The following TSPO variants were observed in gnomAD, a reference collection of about 807,000 sequenced individuals.
TSPO encodes the protein translocator protein.
In TSPO, 14 loss-of-function variants were observed where a neutral mutation model predicts 13.9. The observed-to-expected ratio is 1.01, with a 90% CI of 0.67 to 1.58. The LOEUF (loss-of-function observed/expected upper bound fraction) is 1.58, where lower values mean the gene tolerates loss of function less well. Among genes scored for constraint, TSPO ranks in the 40% most tolerant of loss-of-function variants. TSPO has a pLI of 0.00. For synonymous variants in TSPO, 114 were observed against 105.9 expected, an observed-to-expected ratio of 1.08 and a Z score of -0.47; for missense variants, 232 against 229.6, an observed-to-expected ratio of 1.01 and a Z score of -0.07.
chr22:43,156,426 C>T (rs1047268071), intron 1 of TSPO, among the ~76,000 whole-genome samples: 3 of 151,702 alleles, frequency 2.0e-5, no homozygotes, highest in East Asian at 1.9e-4. Flanking sequence ...TAGAACATGG[C>T]GCTCAGTGAA....
At chr22:43,158,992 C>CGAGGTGAGGGTGGGCA (rs1403233926) in intron 1 of TSPO, among the ~76,000 whole-genome samples, 2 of 152,064 alleles carry the variant, frequency 1.3e-5, no homozygotes, top group East Asian at 1.9e-4. Flanking sequence ...GACCCAAGGT[C>CGAGGTGAGGGTGGGCA]GAGGTGAGGG....
Position 43,159,352 on chromosome 22 carries a change from G to A in TSPO, c.114G>A (p.Gln38=), listed in dbSNP as rs1931359372. 1 of 1,547,002 alleles carries A rather than the reference G, an allele frequency of 6.5e-7. No individual in the cohort carries two copies. The change falls in exon 2 of 4, where the codon CAG becomes CAA. Residue 38 remains glutamine, a synonymous_variant. Transcript: ENST00000337554. ...GTCTCCGCTGGTACGCCGGCCTGCAGAAGCCCTCGTGGCACCCGCCCCACT... is the reference window on the plus strand; with the variant it reads ...GTCTCCGCTGGTACGCCGGCCTGCAAAAGCCCTCGTGGCACCCGCCCCACT... ...GEGLRWYAGL[Q]KPSWHPPHWV... is the part of the protein sequence containing the mutation.
intron 1 of TSPO, among the ~76,000 whole-genome samples, chr22:43,154,955 C>A (rs1931203935): frequency 6.6e-6 from 1 of 152,040 alleles, no homozygotes; most frequent in South Asian, 2.1e-4. Context: ...CCTTCTGGCA[C>A]CGTTCAGAGG....
At chr22:43,155,213 G>A (rs1278522790) in intron 1 of TSPO, among the ~76,000 whole-genome samples, 2 of 152,174 alleles carry the variant, frequency 1.3e-5, no homozygotes, top group Admixed American at 6.5e-5. Flanking sequence ...CCAGTCACGA[G>A]TCCACCATGG....
intron 1 of TSPO, among the ~76,000 whole-genome samples, chr22:43,156,996 T>G (rs9623761): frequency 0.097 from 14,824 of 152,218 alleles, 2,410 homozygotes; most frequent in African/African-American, 0.34. Context: ...CACTCAGCTG[T>G]GGACTCACGC....
chr22:43,153,727 AT>A (rs778899433), intron 1 of TSPO, among the ~76,000 whole-genome samples: 62 of 147,704 alleles, frequency 4.2e-4, no homozygotes, highest in African/African-American at 6.9e-4. Flanking sequence ...AGTCTTTTTT[AT>A]TTTTTTTTTT....
rs1569481008 is a variant in TSPO, at chr22:43,162,809, G to A, written c.328G>A (p.Val110Met). 1 of 1,583,232 alleles carries A rather than the reference G, an allele frequency of 6.3e-7. No individual in the cohort carries two copies. Among genetic ancestry groups the A allele is most frequent in the Non-Finnish European group, 8.6e-7 (1 of 1,165,974 alleles). Reference protein sequence around the residue: ...FGARQMGWALVDLLLVSGAAA... With the variant: ...FGARQMGWALMDLLLVSGAAA... Reference sequence around the variant, plus strand: ...CGTCCCCCAATCTCTGCAGGCCTTGGTGGATCTCCTGCTGGTCAGTGGGGC... The same window carrying A: ...CGTCCCCCAATCTCTGCAGGCCTTGATGGATCTCCTGCTGGTCAGTGGGGC... Residue 110 changes from valine (V) to methionine (M), a missense_variant, in exon 4 of 4, where the codon GTG becomes ATG. Physicochemically the swap from Val to Met is conservative, Grantham distance 21. Transcript: ENST00000337554.
At position 43,163,104 on chromosome 22, in the gene TSPO, C is replaced by T; in HGVS notation, c.*113C>T. The T allele has an allele frequency of 6.6e-7, 1 of 1,515,034 alleles. No individual in the cohort carries two copies. The highest frequency in any genetic ancestry group is 8.8e-7 in the Non-Finnish European group (1 of 1,130,662). The allele number at this position is 1,515,034 out of a possible 1,614,324, so 93.8% of individuals were successfully genotyped here. A position where few individuals can be genotyped will look rare whatever the true frequency, so the allele number is the denominator to read the frequency against. ...GCCTGCTAGTCTGTCAGGGCCTTGG[C>T]CCAGGGGTCAGCAGAGCTTCAGAGG... On this transcript the variant is annotated 3_prime_UTR_variant, in exon 4 of 4. Coordinates refer to ENST00000337554, the MANE Select transcript of TSPO (RefSeq NM_000714.6).
In TSPO at chr22:43,163,014, C is replaced by T. The variant is rs547679650; in HGVS notation, c.*23C>T. ...TGAGTGCCCGGCCCACCAGGGACTG[C>T]AGCTGCACCAGCAGGTGCCATCACG... On this transcript the variant is annotated 3_prime_UTR_variant, in exon 4 of 4. Transcript: ENST00000337554. The T allele has an allele frequency of 3.1e-5, 49 of 1,576,102 alleles. No homozygotes were observed. In the South Asian group the frequency reaches 4.6e-4, roughly 15 times the overall value.
chr22:43,159,927 C>G (rs550611194), intron 2 of TSPO, among the ~76,000 whole-genome samples: 1 of 152,146 alleles, frequency 6.6e-6, no homozygotes, highest in South Asian at 2.1e-4. Context: ...GAATTCCACC[C>G]GGAAAGGACG....
In TSPO at chr22:43,159,320, G is replaced by A. The variant is rs778946143; in HGVS notation, c.82G>A (p.Gly28Ser). Residue 28 changes from glycine to serine, a missense_variant, in exon 2 of 4, where the codon GGC becomes AGC. Gly to Ser is a moderately conservative substitution (Grantham distance 56). Transcript: ENST00000337554. The part of the protein sequence containing the change: ...GCFVGSRFVH[G>S]EGLRWYAGLQ... ...CTTCGTGGGCTCCCGCTTTGTCCACGGCGAGGGTCTCCGCTGGTACGCCGG... is the reference window on the plus strand; with the variant it reads ...CTTCGTGGGCTCCCGCTTTGTCCACAGCGAGGGTCTCCGCTGGTACGCCGG... The A allele has an allele frequency of 7.1e-6, 11 of 1,549,776 alleles. No homozygotes were observed. The Admixed American group carries it at 1.6e-4, about 22-fold the overall frequency.
chr22:43,151,849 A>T (rs1931080993), intron 1 of TSPO: 1 of 152,136 alleles, frequency 6.6e-6, no homozygotes, highest in African/African-American at 2.4e-5. Flanking sequence ...CGGGAGGGAA[A>T]ACTTGGACAA....
chr22:43,156,548 G>T, intron 1 of TSPO, among the ~76,000 whole-genome samples: 1 of 152,048 alleles, frequency 6.6e-6, no homozygotes, highest in Non-Finnish European at 1.5e-5. Context: ...GTGGGAGGGA[G>T]GGGGAGGGGA....
chr22:43,156,328 C>T (rs1406300053), intron 1 of TSPO, among the ~76,000 whole-genome samples: 2 of 152,170 alleles, frequency 1.3e-5, no homozygotes, highest in Non-Finnish European at 2.9e-5. Context: ...TTCCTGGGGA[C>T]CGAGTGTGTG....
chr22:43,160,509 C>T (rs1239599340), intron 2 of TSPO, among the ~76,000 whole-genome samples: 1 of 152,210 alleles, frequency 6.6e-6, no homozygotes, highest in Non-Finnish European at 1.5e-5. Flanking sequence ...GGCCTGGCTC[C>T]TGTGAGTGCT....
intron 3 of TSPO, among the ~76,000 whole-genome samples, chr22:43,162,108 G>A (rs1214872313): frequency 3.4e-5 from 5 of 146,306 alleles, no homozygotes; most frequent in Non-Finnish European, 7.4e-5. Flanking sequence ...GCAGCACCAT[G>A]TCCAGCTAAT....
At chr22:43,157,383 C>T (rs1004179970) in intron 1 of TSPO, among the ~76,000 whole-genome samples, 2 of 151,920 alleles carry the variant, frequency 1.3e-5, no homozygotes, top group African/African-American at 2.4e-5. Context: ...GCCCACCCCC[C>T]CAGAATGTCC....
At chr22:43,160,291 C>T (rs1040559558) in intron 2 of TSPO, among the ~76,000 whole-genome samples, 1 of 152,160 alleles carries the variant, frequency 6.6e-6, no homozygotes, top group African/African-American at 2.4e-5. Context: ...TTGGGGCTCC[C>T]TGTGGCTCTG....
intron 1 of TSPO, among the ~76,000 whole-genome samples, chr22:43,155,145 C>T (rs1359777180): frequency 7.2e-5 from 11 of 152,128 alleles, no homozygotes; most frequent in Non-Finnish European, 1.3e-4. Context: ...TGGAGTCACT[C>T]GGACCTAGAA....
Sources: gnomAD v4.1 joint callset for allele counts (sites outside exome capture counted in the v4.1 genomes callset) on GRCh38, gnomAD v4.1.1 for gene constraint, MANE v1.5 for transcripts, NCBI Gene and HGNC (gene_info 2026-07-23, HGNC 2026-07-21) for gene names.